Variants in PARD3B observed in about 807,000 individuals in gnomAD.
PARD3B encodes the protein partitioning defective 3 homolog B.
In PARD3B, 103 loss-of-function variants were observed where a neutral mutation model predicts 130.2. The observed-to-expected ratio is 0.79, with a 90% CI of 0.67 to 0.93. PARD3B has a LOEUF of 0.93. PARD3B is among the 40% of genes least tolerant of loss of function. The pLI is 0.00. For missense variants in PARD3B, 1,609 were observed against 1,499.2 expected, an observed-to-expected ratio of 1.07 and a Z score of -1.21; for synonymous variants, 583 against 553.2, an observed-to-expected ratio of 1.05 and a Z score of -0.76.
At chr2:205,541,731 TTTCA>T (rs2052149056) in intron 21 of PARD3B, among the ~76,000 whole-genome samples, 2 of 152,258 alleles carry the variant, frequency 1.3e-5, no homozygotes, top group East Asian at 1.9e-4. Flanking sequence ...ATATTCTTTG[TTTCA>T]TTCATTCAGT....
At chr2:204,805,347 A>G (rs1184375772) in intron 2 of PARD3B, among the ~76,000 whole-genome samples, 3 of 152,096 alleles carry the variant, frequency 2.0e-5, no homozygotes, top group Non-Finnish European at 4.4e-5. Context: ...CATAGAACCT[A>G]CAAAGATTGA....
intron 20 of PARD3B, among the ~76,000 whole-genome samples, chr2:205,481,739 A>G (rs1294835510): frequency 1.3e-5 from 2 of 152,234 alleles, no homozygotes; most frequent in Non-Finnish European, 2.9e-5. Flanking sequence ...AGGAGGTTAC[A>G]CAACTACTCT....
At position 205,321,370 on chromosome 2, in the gene PARD3B, C is replaced by T. The variant is rs958297918; in HGVS notation, c.2630+19669C>T. ...TTACAGTAAAAGCTACAAAAAATAG[C>T]ACAAAGAATTTCCTTATACCTTCCG... On this transcript the variant is annotated intron_variant, in intron 18 of 22. Transcript: ENST00000406610. The surrounding 1 kb of genome is among the most constrained non-coding windows in gnomAD (Gnocchi z 4.2). Among the ~76,000 whole-genome samples the T allele has an allele frequency of 5.3e-5, 8 of 151,902 alleles. No homozygotes were observed. Among genetic ancestry groups the T allele is most frequent in the Non-Finnish European group, 1.0e-4 (7 of 67,964 alleles).
At chr2:204,842,423 TGAG>T (rs368846855) in intron 2 of PARD3B, among the ~76,000 whole-genome samples, 5 of 152,084 alleles carry the variant, frequency 3.3e-5, no homozygotes, top group African/African-American at 4.8e-5. Flanking sequence ...TTTTTTCAAA[TGAG>T]GAGGATTAAG....
At chr2:204,611,985 C>G (rs543331092) in intron 1 of PARD3B, among the ~76,000 whole-genome samples, 1 of 152,282 alleles carries the variant, frequency 6.6e-6, no homozygotes, top group African/African-American at 2.4e-5. Context: ...AGGAGTTAGA[C>G]AAGTAACTGG....
At chr2:204,556,309 A>G (rs1011345451) in intron 1 of PARD3B, among the ~76,000 whole-genome samples, 4 of 152,170 alleles carry the variant, frequency 2.6e-5, no homozygotes, top group African/African-American at 9.7e-5. Context: ...TCAAGATGGC[A>G]TCTTCACTCA....
intron 2 of PARD3B, among the ~76,000 whole-genome samples, chr2:204,831,252 G>T (rs778990464): frequency 2.6e-5 from 4 of 152,268 alleles, no homozygotes; most frequent in South Asian, 2.1e-4. Flanking sequence ...TCTTTTAGCT[G>T]CATTGCTGAG....
At position 205,321,904 on chromosome 2, in the gene PARD3B, T is replaced by G. The variant is rs1198375264; in HGVS notation, c.2630+20203T>G. Among the ~76,000 whole-genome samples, 1 of 152,214 alleles carries G rather than the reference T, an allele frequency of 6.6e-6. No homozygotes were observed. Among genetic ancestry groups the G allele is most frequent in the African/African-American group, 2.4e-5 (1 of 41,460 alleles). On this transcript the variant is annotated intron_variant, in intron 18 of 22. Coordinates refer to ENST00000406610, the MANE Select transcript of PARD3B (RefSeq NM_001302769.2). The surrounding 1 kb of genome is among the most constrained non-coding windows in gnomAD (Gnocchi z 4.2). ...CCTCTGTAAATAGGTGCAAATATCC[T>G]TGTGATAAAGCGTCGGTAACCATTA...
intron 4 of PARD3B, chr2:205,103,746 C>G (rs1456050329): frequency 3.0e-6 from 3 of 985,148 alleles, no homozygotes; most frequent in Non-Finnish European, 3.6e-6. Flanking sequence ...TTTCTAGAAT[C>G]CATCCTCTCC....
chr2:204,725,738 G>T (rs984244922), intron 2 of PARD3B, among the ~76,000 whole-genome samples: 5 of 152,166 alleles, frequency 3.3e-5, no homozygotes, highest in Non-Finnish European at 7.4e-5. Flanking sequence ...GGGTATCCTT[G>T]TGAGACTTAA....
chr2:205,052,221 T>C (rs1310605736), intron 4 of PARD3B, among the ~76,000 whole-genome samples: 2 of 151,920 alleles, frequency 1.3e-5, no homozygotes, highest in Non-Finnish European at 2.9e-5. Flanking sequence ...AATGACTGTT[T>C]ATGGTTTTTA....
intron 18 of PARD3B, among the ~76,000 whole-genome samples, chr2:205,322,831 A>G (rs1318594573): frequency 6.8e-6 from 1 of 147,348 alleles, no homozygotes; most frequent in African/African-American, 2.5e-5. Context: ...TTTATGAAGC[A>G]CTTTGAAACT....
chr2:205,323,216 C>T (rs1054642128), intron 18 of PARD3B, among the ~76,000 whole-genome samples: 1 of 151,814 alleles, frequency 6.6e-6, no homozygotes, highest in African/African-American at 2.4e-5. Context: ...GCCTAACACC[C>T]CCTTTTAACA....
intron 4 of PARD3B, among the ~76,000 whole-genome samples, chr2:205,050,996 G>A (rs558232158): frequency 3.9e-5 from 6 of 152,118 alleles, no homozygotes; most frequent in South Asian, 2.1e-4. Flanking sequence ...GATAAATTAC[G>A]TGGCACCCTG....
chr2:205,118,996 A>G lies in PARD3B; in HGVS notation c.756A>G (p.Glu252=), dbSNP rs1251999292. ...SKREGLFHEN[E]CIVKINNVDL... ...GGGAGGGACTATTTCACGAAAATGA[A>G]TGTATTGTAAAAATCAACAATGTGG... The change falls in exon 7 of 23, where the codon GAA becomes GAG. Residue 252 remains glutamate (E), a synonymous_variant. Transcript: ENST00000406610. 6.2e-7 allele frequency: 1 copy of G among 1,611,606 alleles called. No homozygotes were observed. The highest frequency in any genetic ancestry group is 1.7e-5 in the Admixed American group (1 of 59,488).
intron 3 of PARD3B, among the ~76,000 whole-genome samples, chr2:205,026,743 G>A (rs1468649024): frequency 6.6e-6 from 1 of 152,082 alleles, no homozygotes; most frequent in African/African-American, 2.4e-5. Flanking sequence ...GATTTAAACT[G>A]TTTTAGATTC....
intron 3 of PARD3B, among the ~76,000 whole-genome samples, chr2:204,986,150 A>T (rs1038135042): frequency 2.0e-5 from 3 of 147,892 alleles, no homozygotes; most frequent in African/African-American, 7.4e-5. Context: ...CCCATATGCT[A>T]GGGACTTTCT....
intron 22 of PARD3B, among the ~76,000 whole-genome samples, chr2:205,577,221 C>T (rs1047658741): frequency 1.3e-5 from 2 of 151,922 alleles, no homozygotes; most frequent in East Asian, 3.9e-4. Context: ...GATTTTCTAC[C>T]TAGATGATCA....
chr2:205,403,922 A>C (rs2106024146), intron 19 of PARD3B, among the ~76,000 whole-genome samples: 1 of 137,840 alleles, frequency 7.3e-6, no homozygotes, highest in Middle Eastern at 3.7e-3. Context: ...TCTTTTGTAA[A>C]CAAATTAGAA....
Sources: allele counts gnomAD v4.1 joint callset (sites outside exome capture counted in the v4.1 genomes callset), GRCh38; gene constraint gnomAD v4.1.1; non-coding constraint Gnocchi (gnomAD v3.1); transcripts MANE v1.5; gene names NCBI Gene and HGNC (gene_info 2026-07-23, HGNC 2026-07-21).